Variants in ACO1 observed in about 807,000 individuals in gnomAD.
ACO1 encodes aconitase 1.
A neutral mutation model predicts 105.1 loss-of-function variants in ACO1; 78 were observed. The observed-to-expected ratio is 0.74, with a 90% CI of 0.62 to 0.90. ACO1 has a LOEUF of 0.90. Among genes scored for constraint, ACO1 ranks in the 40% least tolerant of loss-of-function variants. ACO1 has a pLI of 0.00. For synonymous variants in ACO1, 364 were observed against 397.4 expected (o/e 0.92, Z 1.00); for missense variants, 965 against 1,111.1 (o/e 0.87, Z 1.87).
At chr9:32,414,527 G>A (rs562130620) in intron 4 of ACO1, among the ~76,000 whole-genome samples, 1 of 152,346 alleles carries the variant, frequency 6.6e-6, no homozygotes, top group South Asian at 2.1e-4. Context: ...TCATGAAACA[G>A]TCTAAGCATT....
chr9:32,441,900 G>C (rs1193301576), intron 19 of ACO1, among the ~76,000 whole-genome samples: 1 of 152,196 alleles, frequency 6.6e-6, no homozygotes, highest in Non-Finnish European at 1.5e-5. Context: ...ATGATTTACA[G>C]CTTCTGAAGC....
intron 14 of ACO1, 142 bp downstream of exon 14, chr9:32,430,716 A>G (rs1563943061): frequency 2.1e-6 from 2 of 938,316 alleles, no homozygotes; most frequent in Non-Finnish European, 1.5e-6. Context: ...TTATTCCCCA[A>G]TATACAGCTA....
chr9:32,447,229 C>T (rs1158016272), intron 19 of ACO1, among the ~76,000 whole-genome samples: 1 of 152,200 alleles, frequency 6.6e-6, no homozygotes, highest in African/African-American at 2.4e-5. Context: ...GGTCTTTTCA[C>T]ATAGTCTCAT....
chr9:32,436,855 C>T (rs1038023356), intron 18 of ACO1, among the ~76,000 whole-genome samples: 1 of 152,168 alleles, frequency 6.6e-6, no homozygotes, highest in Non-Finnish European at 1.5e-5. Flanking sequence ...TGTTTGTTCC[C>T]AGCTCCACGT....
chr9:32,430,488 G>A lies in ACO1; in HGVS notation c.1640G>A (p.Arg547Gln), dbSNP rs551232686. 1.6e-5 allele frequency: 25 copies of A among 1,611,994 alleles called. No homozygotes were observed. Among genetic ancestry groups the A allele is most frequent in the Middle Eastern group, 1.6e-4 (1 of 6,062 alleles). ...NFEGRVHPNT[R>Q]ANYLASPPLV... is the part of the protein sequence containing the mutation. ...GAAGGTCGAGTTCACCCCAACACCCGGGCCAACTATTTAGCCTCTCCCCCC... is the reference window on the plus strand; with the variant it reads ...GAAGGTCGAGTTCACCCCAACACCCAGGCCAACTATTTAGCCTCTCCCCCC... The change falls in exon 14 of 21, where the codon CGG becomes CAG. Residue 547 changes from arginine to glutamine, a missense_variant. Physicochemically the swap from Arg to Gln is conservative, Grantham distance 43. Transcript: ENST00000309951.
At chr9:32,427,526 T>TC in intron 12 of ACO1, 90 bp downstream of exon 12, 1 of 1,489,536 alleles carries the variant, frequency 6.7e-7, no homozygotes, top group Non-Finnish European at 9.3e-7. Flanking sequence ...GATGTGAGAT[T>TC]ATCTGATGAT....
chr9:32,421,929 C>G (rs2118475162), intron 8 of ACO1, among the ~76,000 whole-genome samples: 1 of 152,198 alleles, frequency 6.6e-6, no homozygotes, highest in South Asian at 2.1e-4. Context: ...TCTGCTGTAG[C>G]CTGAGGAAAT....
intron 4 of ACO1, among the ~76,000 whole-genome samples, chr9:32,409,741 C>G (rs1221299274): frequency 1.3e-5 from 2 of 151,902 alleles, no homozygotes; most frequent in Non-Finnish European, 2.9e-5. Context: ...GTGGTCCCAG[C>G]TACTTAGGAG....
In ACO1 at chr9:32,450,155, C is replaced by G; in HGVS notation, c.*44C>G. The G allele has an allele frequency of 6.6e-7, 1 of 1,505,648 alleles. No individual in the cohort carries two copies. Among genetic ancestry groups the G allele is most frequent in the Non-Finnish European group, 9.2e-7 (1 of 1,083,030 alleles). The allele number at this position is 1,505,648 out of a possible 1,614,324, so 93.3% of individuals were successfully genotyped here. Reference sequence around the variant, plus strand: ...TGCGCCCAGGGAGGAAGCCGCACCACCAGCCAGCGCAGGCCCTGGTGGAGA... The same window carrying G: ...TGCGCCCAGGGAGGAAGCCGCACCAGCAGCCAGCGCAGGCCCTGGTGGAGA... On this transcript the variant is annotated 3_prime_UTR_variant, in exon 21 of 21. Coordinates refer to ENST00000309951, the MANE Select transcript of ACO1 (RefSeq NM_002197.3).
rs538749669 is a variant in ACO1, at chr9:32,384,734, A to G, written c.-24A>G. 4.7e-5 allele frequency: 19 copies of G among 400,702 alleles called. No homozygotes were observed. Among genetic ancestry groups the G allele is most frequent in the South Asian group, 3.0e-4 (18 of 59,140 alleles). The allele number at this position is 400,702 out of a possible 1,614,324, so 24.8% of individuals were successfully genotyped here. A position where few individuals can be genotyped will look rare whatever the true frequency, so the allele number is the denominator to read the frequency against. ...CGCGGGAGCCCCGCCGTGCAGTCGG[A>G]GGTGAGTACCGACGCGGCCCGACCC... On this transcript the variant is annotated splice_region_variant and 5_prime_UTR_variant, in exon 1 of 21. Transcript: ENST00000309951.
chr9:32,444,808 A>G (rs976174586), intron 19 of ACO1, among the ~76,000 whole-genome samples: 2 of 152,280 alleles, frequency 1.3e-5, no homozygotes, highest in East Asian at 1.9e-4. Context: ...TGGTTTATTG[A>G]GAGTTTTTAA....
intron 1 of ACO1, among the ~76,000 whole-genome samples, chr9:32,390,873 G>T (rs1329894259): frequency 2.6e-5 from 4 of 152,008 alleles, no homozygotes; most frequent in Admixed American, 2.0e-4. Context: ...GGAGCCTGTG[G>T]GTCTTCTCTA....
rs777877788 is a variant in ACO1, at chr9:32,450,262, G to A, written c.*151G>A. ...CTGAGGGTCTGGTGCCAATCCTGTA[G>A]GCACAAAACCAGAAGTTTCTACATT... On this transcript the variant is annotated 3_prime_UTR_variant, in exon 21 of 21. Transcript: ENST00000309951. 4.0e-6 allele frequency: 3 copies of A among 743,720 alleles called. No individual in the cohort carries two copies. The highest frequency in any genetic ancestry group is 7.5e-6 in the Non-Finnish European group (3 of 401,966). 46.1% of individuals were successfully genotyped at this position (743,720 alleles called of 1,614,324 possible).
In ACO1 at chr9:32,439,058, G is replaced by A. The variant is rs1010522256; in HGVS notation, c.2248-1407G>A. Among the ~76,000 whole-genome samples, 6 of 152,190 alleles carry A rather than the reference G, an allele frequency of 3.9e-5. No individual in the cohort carries two copies. Among genetic ancestry groups the A allele is most frequent in the South Asian group, 2.1e-4 (1 of 4,828 alleles). On this transcript the variant is annotated intron_variant, in intron 18 of 20. Transcript: ENST00000309951. This position sits in a 1 kb window ranked among gnomAD's most constrained non-coding sequence, Gnocchi z 4.0. Reference sequence around the variant, plus strand: ...AGCTGTCAGTGGCTCTCAGCATGGCGTGTTTAATAGAAAAGTCAGGAGACG... The same window carrying A: ...AGCTGTCAGTGGCTCTCAGCATGGCATGTTTAATAGAAAAGTCAGGAGACG...
In ACO1 at chr9:32,451,669, C is replaced by CTCTT. The variant is rs1186861060; in HGVS notation, c.*1562_*1565dup. On this transcript the variant is annotated 3_prime_UTR_variant, in exon 21 of 21. Coordinates refer to ENST00000309951, the MANE Select transcript of ACO1 (RefSeq NM_002197.3). ...TCATCAGAACATCTGGAATCTAATC[C>CTCTT]TCTTTCTACTTCTCACCAGATGAGG... 6.6e-6 allele frequency: 1 copy of CTCTT among 152,220 alleles called. No individual in the cohort carries two copies. The highest frequency in any genetic ancestry group is 2.4e-5 in the African/African-American group (1 of 41,438). The allele number at this position is 152,220 out of a possible 1,614,324, so 9.4% of individuals were successfully genotyped here.
Position 32,450,457 on chromosome 9 carries a change from T to C in ACO1, c.*346T>C. On this transcript the variant is annotated 3_prime_UTR_variant, in exon 21 of 21. Coordinates refer to ENST00000309951, the MANE Select transcript of ACO1 (RefSeq NM_002197.3). ...TCTTCAGCTGAACACAAGCAAACCT[T>C]CTCAGGAGGTGTCTCCTACCCTCTT... 2.8e-6 allele frequency: 1 copy of C among 360,772 alleles called. No individual in the cohort carries two copies. The highest frequency in any genetic ancestry group is 5.4e-6 in the Non-Finnish European group (1 of 185,818). The allele number at this position is 360,772 out of a possible 1,614,324, so 22.3% of individuals were successfully genotyped here.
At chr9:32,436,169 T>A in intron 17 of ACO1, 81 bp from the exon 18 acceptor site, 1 of 1,577,646 alleles carries the variant, frequency 6.3e-7, no homozygotes, top group Non-Finnish European at 8.7e-7. Context: ...TTTTGTTTTG[T>A]TTTTTTCTTT....
chr9:32,449,133 T>G, intron 20 of ACO1, 52 bp downstream of exon 20: 1 of 1,517,316 alleles, frequency 6.6e-7, no homozygotes, highest in African/African-American at 1.4e-5. Context: ...CCCCCTCGTT[T>G]GTAACCAGTC....
intron 16 of ACO1, 26 bp from the exon 17 acceptor site, chr9:32,434,533 T>A (rs770621874): frequency 1.9e-6 from 3 of 1,613,208 alleles, no homozygotes; most frequent in Admixed American, 1.7e-5. Flanking sequence ...CCTGGGCCAA[T>A]GCTGACTTTT....
Sources: allele counts gnomAD v4.1 joint callset (sites outside exome capture counted in the v4.1 genomes callset), GRCh38; gene constraint gnomAD v4.1.1; non-coding constraint Gnocchi (gnomAD v3.1); transcripts MANE v1.5; gene names NCBI Gene and HGNC (gene_info 2026-07-23, HGNC 2026-07-21).